Variants in CPLANE1 observed in about 807,000 individuals in gnomAD.
CPLANE1 encodes ciliogenesis and planar polarity effector 1.
A neutral mutation model predicts 362.5 loss-of-function variants in CPLANE1; 263 were observed. The ratio of observed to expected loss-of-function variants is 0.73; its 90% CI spans 0.66 to 0.80. CPLANE1 has a LOEUF of 0.80. Ranked by LOEUF, CPLANE1 falls within the 30% of genes least tolerant of loss-of-function variation. CPLANE1 has a pLI of 0.00. For missense variants in CPLANE1, 3,461 were observed against 3,793.4 expected (o/e 0.91, Z 2.30); for synonymous variants, 1,212 against 1,302.6 (o/e 0.93, Z 1.50).
chr5:37,133,791 C>T (rs1766712565), intron 46 of CPLANE1, among the ~76,000 whole-genome samples: 1 of 152,116 alleles, frequency 6.6e-6, no homozygotes, highest in African/African-American at 2.4e-5. Context: ...ATTCCTCTGG[C>T]TAGGACTTCC....
At chr5:37,083,195 G>A in the CPLANE1 span, among the ~76,000 whole-genome samples, 13 of 152,232 alleles carry the variant, frequency 8.5e-5, no homozygotes, top group African/African-American at 2.6e-4. Context: ...ACTTCAGCTC[G>A]GCTCTCAGGA....
chr5:37,192,633 G>A (rs1167503914), intron 21 of CPLANE1, among the ~76,000 whole-genome samples: 1 of 151,976 alleles, frequency 6.6e-6, no homozygotes, highest in East Asian at 1.9e-4. Context: ...GGGAGGCCAA[G>A]GCGGGCAGAT....
At chr5:37,121,880 GGT>G in intron 48 of CPLANE1, 96 bp from the exon 49 acceptor site, 1 of 996,486 alleles carries the variant, frequency 1.0e-6, no homozygotes, top group Non-Finnish European at 1.4e-6. Flanking sequence ...AGCATGTTCT[GGT>G]TTTTTTTTTT....
At chr5:37,140,146 T>C (rs2150376720) in intron 44 of CPLANE1, 1 of 876,470 alleles carries the variant, frequency 1.1e-6, no homozygotes, top group Non-Finnish European at 1.4e-6. Flanking sequence ...CAGTCTTCTA[T>C]ATGTTTCATT....
At chr5:37,124,771 TCTC>T (rs1219556679) in intron 47 of CPLANE1, 1 of 452,080 alleles carries the variant, frequency 2.2e-6, no homozygotes, top group Non-Finnish European at 2.9e-6. Context: ...CCCAGGATGC[TCTC>T]AACTCTTGGT....
chr5:37,164,538 C>T (rs541446101), intron 36 of CPLANE1, among the ~76,000 whole-genome samples: 90 of 152,170 alleles, frequency 5.9e-4, no homozygotes, highest in Non-Finnish European at 1.1e-3. Context: ...TAAAAAAGAG[C>T]ATTACCAATT....
chr5:37,203,216 C>T (rs913874175), intron 18 of CPLANE1, among the ~76,000 whole-genome samples: 1 of 152,144 alleles, frequency 6.6e-6, no homozygotes, highest in Admixed American at 6.5e-5. Flanking sequence ...TCTCAGGCAA[C>T]CCCTGATCTG....
At position 37,153,938 on chromosome 5, in the gene CPLANE1, T is replaced by C; in HGVS notation, c.8175A>G (p.Ala2725=). ...GCCGTTTCCACAATAGATAATCTTC[T>C]GCAGAGTCTGACTTTGTGCTCTGTC... The part of the protein sequence containing the change: ...FKGQSTKSDS[A]EDYLLWKRLQ... The change falls in exon 42 of 53, where the codon GCA becomes GCG. Residue 2725 remains alanine, a synonymous_variant. Transcript: ENST00000651892. 1 of 1,614,132 alleles carries C rather than the reference T, an allele frequency of 6.2e-7. No homozygotes were observed. Among genetic ancestry groups the C allele is most frequent in the South Asian group, 1.1e-5 (1 of 91,078 alleles).
At chr5:37,152,635 T>A (rs1289085348) in intron 42 of CPLANE1, among the ~76,000 whole-genome samples, 2 of 152,220 alleles carry the variant, frequency 1.3e-5, no homozygotes, top group East Asian at 3.9e-4. Context: ...ACATCTACAA[T>A]CCCAACACTT....
chr5:37,170,139 G>C lies in CPLANE1; in HGVS notation c.6364C>G (p.Gln2122Glu), dbSNP rs759347586. 1 of 1,614,066 alleles carries C rather than the reference G, an allele frequency of 6.2e-7. No homozygotes were observed. Among genetic ancestry groups the C allele is most frequent in the African/African-American group, 1.3e-5 (1 of 74,934 alleles). ...TCTCTGGCGTTCTCTCCCATTGACT[G>C]TGGTTTAATAAAAAATCTCTCCTTA... ...NLKERFFIKP[Q>E]SMGENAREPR... The change falls in exon 33 of 53, where the codon CAG becomes GAG. Residue 2122 changes from glutamine (Q) to glutamate (E), a missense_variant. Physicochemically the swap from Gln to Glu is conservative, Grantham distance 29. Transcript: ENST00000651892.
chr5:37,084,132 C>T, the CPLANE1 span, among the ~76,000 whole-genome samples: 1 of 152,168 alleles, frequency 6.6e-6, no homozygotes, highest in Non-Finnish European at 1.5e-5. Flanking sequence ...TTTCAGCCTC[C>T]TCAAACAAAA....
chr5:37,132,660 T>C (rs1766309036), intron 46 of CPLANE1, among the ~76,000 whole-genome samples: 1 of 152,206 alleles, frequency 6.6e-6, no homozygotes, highest in South Asian at 2.1e-4. Flanking sequence ...TTGTTCAAGT[T>C]CTTTGTAGAT....
Position 37,195,912 on chromosome 5 carries a change from TA to T in CPLANE1, c.3756del (p.Phe1252LeufsTer19), listed in dbSNP as rs1441002833. The part of the protein sequence containing the change: ...LNYCKGGIAF[F>X]RPGAAGDHKL... ...TTGTGGTCTCCAGCTGCTCCAGGTC[TA>T]AAAAATGCGATACCTCCTTTACAGT... On this transcript the variant is annotated frameshift_variant, in exon 21 of 53. Transcript: ENST00000651892. 1 of 1,613,398 alleles carries T rather than the reference TA, an allele frequency of 6.2e-7. No individual in the cohort carries two copies. Among genetic ancestry groups the T allele is most frequent in the East Asian group, 2.2e-5 (1 of 44,802 alleles).
rs2150520331 is a variant in CPLANE1 at position 37,148,137 on chromosome 5, A to C, written c.8461+44T>G. On this transcript the variant is annotated intron_variant, in intron 43 of 52. Coordinates refer to ENST00000651892, the MANE Select transcript of CPLANE1 (RefSeq NM_001384732.1). ...AAAACAATGCACATTCTTTCAGATC[A>C]ACTAAAGCAAGACTTCAGCCAGCCC... 3 of 1,433,134 alleles carry C rather than the reference A, an allele frequency of 2.1e-6. No individual in the cohort carries two copies. In the East Asian group the frequency reaches 6.9e-5, roughly 33 times the overall value. The allele number at this position is 1,433,134 out of a possible 1,614,324, so 88.8% of individuals were successfully genotyped here. A position where few individuals can be genotyped will look rare whatever the true frequency, so the allele number is the denominator to read the frequency against.
intron 24 of CPLANE1, among the ~76,000 whole-genome samples, chr5:37,185,890 A>G (rs530083420): frequency 6.6e-6 from 1 of 152,336 alleles, no homozygotes; most frequent in South Asian, 2.1e-4. Context: ...ATAAAGGGAA[A>G]TTACTTGTTT....
In CPLANE1 at chr5:37,195,992, C is replaced by A; in HGVS notation, c.3677G>T (p.Arg1226Leu). ...RWARKVMQKI[R>L]MKGSLPSLSP... ...CAGTGAAGGAAGGGATCCTTTCATTCGAATCTAAAAGTAAAGAATAACCGA... is the reference window on the plus strand; with the variant it reads ...CAGTGAAGGAAGGGATCCTTTCATTAGAATCTAAAAGTAAAGAATAACCGA... The change falls in exon 21 of 53, where the codon CGA becomes CTA. Residue 1226 changes from arginine to leucine, a missense_variant. Physicochemically the swap from Arg to Leu is moderately radical, Grantham distance 102. This residue lies in a region of CPLANE1 where 3,380 missense variants were observed against 3,666.1 expected (regional missense o/e 0.92). Coordinates refer to ENST00000651892, the MANE Select transcript of CPLANE1 (RefSeq NM_001384732.1). 1 of 1,595,556 alleles carries A rather than the reference C, an allele frequency of 6.3e-7. No individual in the cohort carries two copies. The highest frequency in any genetic ancestry group is 8.5e-7 in the Non-Finnish European group (1 of 1,173,838).
At chr5:37,157,958 A>AAAAAAAAAAAAT (rs779504612) in intron 39 of CPLANE1, 90 bp from the exon 40 acceptor site, 1 of 762,218 alleles carries the variant, frequency 1.3e-6, no homozygotes. Context: ...AAAAAAAAAA[A>AAAAAAAAAAAAT]GGCTTAATTC....
Position 37,187,473 on chromosome 5 carries a change from C to T in CPLANE1, c.4021G>A (p.Glu1341Lys). 6.2e-7 allele frequency: 1 copy of T among 1,613,676 alleles called. No homozygotes were observed. The highest frequency in any genetic ancestry group is 8.5e-7 in the Non-Finnish European group (1 of 1,179,738). Residue 1341 changes from glutamate (E) to lysine (K), a missense_variant, in exon 23 of 53, where the codon GAA (glutamate) becomes AAA (lysine). Glu to Lys is a moderately conservative substitution (Grantham distance 56). Around this residue, in one of 2 missense-constraint regions of CPLANE1, gnomAD observed 3,380 missense variants for 3,666.1 expected, o/e 0.92. Coordinates refer to ENST00000651892, the MANE Select transcript of CPLANE1 (RefSeq NM_001384732.1). The stretch of plus-strand genomic sequence containing the variant: ...AAAATTATATCCTGAATAAGTTCTT[C>T]CATATTAAAAAACCGAGAGAAAGGC... ...MLPFSRFFNMEELIQDIILSL... is the reference protein window; with the variant it reads ...MLPFSRFFNMKELIQDIILSL...
intron 24 of CPLANE1, among the ~76,000 whole-genome samples, chr5:37,186,056 GCA>G (rs1162022045): frequency 1.3e-5 from 2 of 152,110 alleles, no homozygotes; most frequent in African/African-American, 4.8e-5. Flanking sequence ...GCCTAAGATC[GCA>G]CAGTTACTGA....
Sources: allele counts gnomAD v4.1 joint callset (sites outside exome capture counted in the v4.1 genomes callset), GRCh38; gene constraint gnomAD v4.1.1; regional missense constraint gnomAD v4.1.1; transcripts MANE v1.5; gene names NCBI Gene and HGNC (gene_info 2026-07-23, HGNC 2026-07-21).